Variants in ACSS3 observed in about 807,000 individuals in gnomAD.
ACSS3 encodes the protein acyl-CoA synthetase short chain family member 3.
Under a neutral mutation model 84.2 loss-of-function variants are expected in ACSS3, and 64 were observed. The ratio of observed to expected loss-of-function variants is 0.76; its 90% confidence interval spans 0.62 to 0.94. The LOEUF (loss-of-function observed/expected upper bound fraction) is 0.94. ACSS3 is among the 40% of genes least tolerant of loss of function. ACSS3 has a pLI of 0.00. For synonymous variants in ACSS3, 317 were observed against 310.1 expected (o/e 1.02, Z -0.23); for missense variants, 815 against 867.6 (o/e 0.94, Z 0.76).
rs1031552237 is a variant in ACSS3, at chr12:81,169,838, C to A, written c.1099-4950C>A. 3.9e-5 allele frequency among the ~76,000 whole-genome samples: 6 copies of A among 152,094 alleles called. No homozygotes were observed. The South Asian group carries it at 8.3e-4, about 21-fold the overall frequency. On this transcript the variant is annotated intron_variant, in intron 7 of 15. Transcript: ENST00000548058. ...AGTTTTATCACTCTCCTGAAATAAACAAAACAACTCTCTGCATCACCTATC... is the reference window on the plus strand; with the variant it reads ...AGTTTTATCACTCTCCTGAAATAAAAAAAACAACTCTCTGCATCACCTATC...
At chr12:81,150,660 A>G (rs1886567590) in intron 5 of ACSS3, among the ~76,000 whole-genome samples, 1 of 152,174 alleles carries the variant, frequency 6.6e-6, no homozygotes, top group South Asian at 2.1e-4. Flanking sequence ...TTGCTAAGAG[A>G]CCAGGTGTTG....
At chr12:81,131,996 T>G (rs576817359) in intron 2 of ACSS3, among the ~76,000 whole-genome samples, 3 of 152,246 alleles carry the variant, frequency 2.0e-5, no homozygotes, top group African/African-American at 7.2e-5. Context: ...CATGGTGGAT[T>G]AGCTTTTTGA....
intron 5 of ACSS3, among the ~76,000 whole-genome samples, chr12:81,147,054 T>G (rs1213981379): frequency 6.6e-6 from 1 of 152,088 alleles, no homozygotes; most frequent in Non-Finnish European, 1.5e-5. Flanking sequence ...TTTTGTTTGA[T>G]CTGTGGTACG....
intron 9 of ACSS3, among the ~76,000 whole-genome samples, chr12:81,212,968 A>G (rs983815854): frequency 4.6e-5 from 7 of 152,182 alleles, no homozygotes; most frequent in Non-Finnish European, 1.5e-5. Context: ...ATCTAAAGAA[A>G]CTATGCTGGT....
At chr12:81,188,747 T>C (rs1432351902) in intron 8 of ACSS3, among the ~76,000 whole-genome samples, 2 of 152,130 alleles carry the variant, frequency 1.3e-5, no homozygotes, top group Non-Finnish European at 2.9e-5. Flanking sequence ...GTATTTCAGT[T>C]TATTTACCTA....
Position 81,259,253 on chromosome 12 carries a change from T to C in ACSS3, c.*4331T>C, listed in dbSNP as rs1354778847. 1 of 275,978 alleles carries C rather than the reference T, an allele frequency of 3.6e-6. No homozygotes were observed. The highest frequency in any genetic ancestry group is 1.0e-4 in the East Asian group (1 of 9,600). The allele number at this position is 275,978 out of a possible 1,614,324, so 17.1% of individuals were successfully genotyped here. On this transcript the variant is annotated 3_prime_UTR_variant, in exon 16 of 16. Coordinates refer to ENST00000548058, the MANE Select transcript of ACSS3 (RefSeq NM_024560.4). ...AAACAGTACTTGGAATTGTCAAATG[T>C]TTGCACTCGAGACTCCATGAACCAT...
Position 81,205,974 on chromosome 12 carries a change from A to G in ACSS3, c.1354+6530A>G, listed in dbSNP as rs180820798. On this transcript the variant is annotated intron_variant, in intron 9 of 15. Transcript: ENST00000548058. ...GCATACCTAGGCATAAGAGGCCCAT[A>G]TAGCTGATGTGACAATGAAGAAAGC... 9.4e-4 allele frequency among the ~76,000 whole-genome samples: 143 copies of G among 152,196 alleles called. 2 individuals carry two copies. The highest frequency in any genetic ancestry group is 6.1e-3 in the Admixed American group (93 of 15,268).
chr12:81,250,454 G>A lies in ACSS3; in HGVS notation c.1720-2853G>A, dbSNP rs116376836. Among the ~76,000 whole-genome samples, 928 of 152,094 alleles carry A rather than the reference G, an allele frequency of 6.1e-3. 12 individuals carry two copies. The highest frequency in any genetic ancestry group is 0.021 in the African/African-American group (888 of 41,496). On this transcript the variant is annotated intron_variant, in intron 13 of 15. Coordinates refer to ENST00000548058, the MANE Select transcript of ACSS3 (RefSeq NM_024560.4). ...GTAATATTATATTATAGGAAATGTT[G>A]TATATTTCTTCCGATTTTAAAATAC...
At chr12:81,203,653 G>T (rs1340716326) in intron 9 of ACSS3, among the ~76,000 whole-genome samples, 2 of 152,102 alleles carry the variant, frequency 1.3e-5, no homozygotes, top group Non-Finnish European at 2.9e-5. Flanking sequence ...AATTGTTGTT[G>T]TTCACCACCA....
chr12:81,243,540 C>T (rs2033881880), intron 13 of ACSS3, among the ~76,000 whole-genome samples: 1 of 152,156 alleles, frequency 6.6e-6, no homozygotes, highest in South Asian at 2.1e-4. Flanking sequence ...AAAAAAGAGC[C>T]TGCATCGTCA....
In ACSS3 at chr12:81,151,983, T is replaced by C; in HGVS notation, c.1003-18T>C. The stretch of plus-strand genomic sequence containing the variant: ...TTCTCTGAATAAAATATATTCATTT[T>C]ATTATCTTATTTTTTAGGTGTGGTG... On this transcript the variant is annotated intron_variant, in intron 6 of 15. Coordinates refer to ENST00000548058, the MANE Select transcript of ACSS3 (RefSeq NM_024560.4). 6.2e-7 allele frequency: 1 copy of C among 1,612,452 alleles called. No individual in the cohort carries two copies. The highest frequency in any genetic ancestry group is 8.5e-7 in the Non-Finnish European group (1 of 1,178,880).
intron 9 of ACSS3, among the ~76,000 whole-genome samples, chr12:81,208,074 T>C (rs1217681535): frequency 6.6e-6 from 1 of 152,166 alleles, no homozygotes; most frequent in African/African-American, 2.4e-5. Context: ...TCACTGTTTC[T>C]GCTTTCTTTC....
chr12:81,089,852 T>C (rs373911395), intron 1 of ACSS3, among the ~76,000 whole-genome samples: 24 of 152,012 alleles, frequency 1.6e-4, no homozygotes, highest in African/African-American at 5.8e-4. Flanking sequence ...ACAACTCTTA[T>C]AATGCATTTT....
At chr12:81,108,663 A>C (rs1006922049) in intron 1 of ACSS3, among the ~76,000 whole-genome samples, 2 of 152,122 alleles carry the variant, frequency 1.3e-5, no homozygotes, top group African/African-American at 4.8e-5. Context: ...TCTTTGAGTG[A>C]ATACCTGAAA....
At chr12:81,107,380 T>C (rs962093116) in intron 1 of ACSS3, among the ~76,000 whole-genome samples, 1 of 150,972 alleles carries the variant, frequency 6.6e-6, no homozygotes, top group Admixed American at 6.6e-5. Context: ...TAATTGAATA[T>C]TGATCACAAA....
chr12:81,133,388 T>TC (rs1276093379), intron 2 of ACSS3, among the ~76,000 whole-genome samples: 1 of 152,152 alleles, frequency 6.6e-6, no homozygotes, highest in Non-Finnish European at 1.5e-5. Flanking sequence ...ACCATGCCCC[T>TC]ACAGGCCCTT....
chr12:81,219,567 C>G (rs1213033383), intron 10 of ACSS3, among the ~76,000 whole-genome samples: 1 of 152,034 alleles, frequency 6.6e-6, no homozygotes, highest in African/African-American at 2.4e-5. Flanking sequence ...TTTAAAGCTC[C>G]TAAGTGGATA....
At chr12:81,104,330 G>A (rs950569603) in intron 1 of ACSS3, among the ~76,000 whole-genome samples, 4 of 151,964 alleles carry the variant, frequency 2.6e-5, no homozygotes, top group Non-Finnish European at 4.4e-5. Flanking sequence ...ACCAAGAAAG[G>A]GACAGCATGG....
intron 13 of ACSS3, among the ~76,000 whole-genome samples, chr12:81,252,602 C>CATAT (rs150873068): frequency 3.0e-4 from 44 of 149,080 alleles, no homozygotes; most frequent in South Asian, 2.8e-3. Context: ...GTCCCGTCAC[C>CATAT]ATATATATAT....
Sources: allele counts gnomAD v4.1 joint callset (sites outside exome capture counted in the v4.1 genomes callset), GRCh38; gene constraint gnomAD v4.1.1; transcripts MANE v1.5; gene names NCBI Gene and HGNC (gene_info 2026-07-23, HGNC 2026-07-21).